The following MYO1F variants were observed in gnomAD, a reference collection of about 807,000 sequenced individuals.
MYO1F encodes myosin IF, also known as unconventional myosin-If.
Under a neutral mutation model 146.6 loss-of-function variants are expected in MYO1F, and 60 were observed. That is an observed-to-expected ratio of 0.41 (90% CI 0.33 to 0.51). The LOEUF (loss-of-function observed/expected upper bound fraction) is 0.51, where lower values mean the gene tolerates loss of function less well. Among genes scored for constraint, MYO1F ranks in the 20% least tolerant of loss-of-function variants. MYO1F has a pLI of 0.25. For synonymous variants in MYO1F, 602 were observed against 602.1 expected, an observed-to-expected ratio of 1.00 and a Z score of 0.00; for missense variants, 1,274 against 1,534.3, an observed-to-expected ratio of 0.83 and a Z score of 2.83.
chr19:8,571,014 A>C (rs1211755609), intron 1 of MYO1F, among the ~76,000 whole-genome samples: 2 of 152,218 alleles, frequency 1.3e-5, no homozygotes, highest in East Asian at 3.8e-4. Context: ...CACTGTCCCC[A>C]TCAATGGTGG....
intron 1 of MYO1F, among the ~76,000 whole-genome samples, chr19:8,556,031 T>C: frequency 6.6e-6 from 1 of 151,476 alleles, no homozygotes; most frequent in Non-Finnish European, 1.5e-5. Flanking sequence ...TTAATTTTTA[T>C]TTATTTATTT....
At chr19:8,527,606 G>T in intron 21 of MYO1F, 123 bp from the exon 22 acceptor site, 3 of 1,191,578 alleles carry the variant, frequency 2.5e-6, no homozygotes, top group Non-Finnish European at 3.6e-6. Context: ...CCCTCCAGGT[G>T]AAGGTGTATG....
At chr19:8,560,342 G>A (rs1037432317) in intron 1 of MYO1F, among the ~76,000 whole-genome samples, 1 of 151,688 alleles carries the variant, frequency 6.6e-6, no homozygotes, top group African/African-American at 2.4e-5. Context: ...AAAAGTAGCC[G>A]GGTGTGGGGG....
chr19:8,563,229 G>A lies in MYO1F; in HGVS notation c.4-7433C>T, dbSNP rs961184002. On this transcript the variant is annotated intron_variant, in intron 1 of 27. Coordinates refer to ENST00000644032, the MANE Select transcript of MYO1F (RefSeq NM_012335.4). ...GCTGGTCTTGAACTCCTGACCTCAG[G>A]TGATCCACCCGCCTCGGCCTCCCAA... Among the ~76,000 whole-genome samples, 6 of 151,554 alleles carry A rather than the reference G, an allele frequency of 4.0e-5. No individual in the cohort carries two copies. In the East Asian group the frequency reaches 9.7e-4, roughly 25 times the overall value.
At chr19:8,555,606 C>T (rs1483292301) in intron 2 of MYO1F, 53 bp downstream of exon 2, 1 of 1,612,696 alleles carries the variant, frequency 6.2e-7, no homozygotes. Context: ...CGTCCATGGC[C>T]CAGCCATTCA....
rs1443170003 is a variant in MYO1F at position 8,521,488 on chromosome 19, A to G, written c.*40T>C. The G allele has an allele frequency of 1.3e-6, 2 of 1,587,548 alleles. No individual in the cohort carries two copies. Among genetic ancestry groups the G allele is most frequent in the African/African-American group, 2.7e-5 (2 of 74,214 alleles). On this transcript the variant is annotated 3_prime_UTR_variant, in exon 28 of 28. Transcript: ENST00000644032. Reference sequence around the variant, plus strand: ...GGCTCCCCACCAGGCCGGCAGGCAGATAGGCGGGCGAAAGAGAAGGCAGTA... The same window carrying G: ...GGCTCCCCACCAGGCCGGCAGGCAGGTAGGCGGGCGAAAGAGAAGGCAGTA...
At chr19:8,536,143 TTCTC>T in intron 19 of MYO1F, 105 bp downstream of exon 19, 1 of 1,370,924 alleles carries the variant, frequency 7.3e-7, no homozygotes, top group Non-Finnish European at 1.0e-6. Context: ...CTATCAGTCT[TTCTC>T]TCAATCTCTG....
intron 1 of MYO1F, among the ~76,000 whole-genome samples, chr19:8,561,717 CT>C (rs968890790): frequency 8.4e-6 from 1 of 119,298 alleles, no homozygotes; most frequent in Non-Finnish European, 1.8e-5. Flanking sequence ...TTTTTTCTAT[CT>C]TTTTTTTTGT....
intron 15 of MYO1F, chr19:8,541,687 C>T (rs1972978340): frequency 1.7e-6 from 1 of 573,850 alleles, no homozygotes; most frequent in Admixed American, 2.7e-5. Flanking sequence ...CTTCGGCCTC[C>T]CAAAGTGCTG....
intron 1 of MYO1F, chr19:8,576,612 A>T: frequency 6.3e-6 from 1 of 157,826 alleles, no homozygotes; most frequent in South Asian, 1.7e-4. Context: ...GACAGACCTC[A>T]GACTTGACAG....
chr19:8,545,858 A>T, intron 12 of MYO1F, 122 bp from the exon 13 acceptor site: 1 of 773,686 alleles, frequency 1.3e-6, no homozygotes, highest in Admixed American at 1.8e-5. Context: ...AAAGCCCGTC[A>T]CTCCTATGTG....
chr19:8,564,089 A>C (rs1001240737), intron 1 of MYO1F, among the ~76,000 whole-genome samples: 9 of 151,994 alleles, frequency 5.9e-5, no homozygotes, highest in African/African-American at 2.2e-4. Flanking sequence ...TTTTATAAGA[A>C]GTGGGTGCTG....
At position 8,530,069 on chromosome 19, in the gene MYO1F, G is replaced by C. The variant is rs1195381445; in HGVS notation, c.2328+127C>G. 2.3e-6 allele frequency: 3 copies of C among 1,309,028 alleles called. No homozygotes were observed. The highest frequency in any genetic ancestry group is 3.3e-6 in the Non-Finnish European group (3 of 914,076). The allele number at this position is 1,309,028 out of a possible 1,614,324, so 81.1% of individuals were successfully genotyped here. ...GCAGGTGCATATGGGCCAGGTGAGG[G>C]TGTACCTGTGATGGAACAGATGGAT... On this transcript the variant is annotated intron_variant, in intron 21 of 27. Coordinates refer to ENST00000644032, the MANE Select transcript of MYO1F (RefSeq NM_012335.4). The surrounding 1 kb of genome is among the most constrained non-coding windows in gnomAD (Gnocchi z 5.8).
chr19:8,552,568 A>ATGTGC (rs1973658543), intron 6 of MYO1F, among the ~76,000 whole-genome samples: 2 of 152,108 alleles, frequency 1.3e-5, no homozygotes, highest in South Asian at 4.1e-4. Flanking sequence ...CACCCAGCCC[A>ATGTGC]AGGGTATGGA....
intron 1 of MYO1F, among the ~76,000 whole-genome samples, chr19:8,563,515 CT>C (rs111757104): frequency 0.5 from 73,831 of 147,174 alleles, 19,822 homozygotes; most frequent in East Asian, 0.68. Flanking sequence ...TTCTTTCTTT[CT>C]TTTTTTTTTG....
At chr19:8,539,184 G>C (rs1216730454) in intron 16 of MYO1F, among the ~76,000 whole-genome samples, 4 of 152,174 alleles carry the variant, frequency 2.6e-5, no homozygotes, top group Non-Finnish European at 5.9e-5. Context: ...GGAGGCTGAG[G>C]CAGGCGGATC....
intron 1 of MYO1F, among the ~76,000 whole-genome samples, chr19:8,560,197 G>A (rs111644945): frequency 0.11 from 16,637 of 150,672 alleles, 1,006 homozygotes; most frequent in Middle Eastern, 0.16. Flanking sequence ...CAAAGAACAG[G>A]TTCTTGGCTG....
At chr19:8,545,560 G>T in intron 13 of MYO1F, 90 bp downstream of exon 13, 1 of 1,056,758 alleles carries the variant, frequency 9.5e-7, no homozygotes, top group Non-Finnish European at 1.5e-6. Flanking sequence ...GCCTGAGGAT[G>T]CCATAACACC....
intron 1 of MYO1F, among the ~76,000 whole-genome samples, chr19:8,571,581 A>ATT (rs34070649): frequency 1.5e-4 from 21 of 143,524 alleles, no homozygotes; most frequent in East Asian, 6.3e-4. Flanking sequence ...CGCCCGGCTA[A>ATT]TTTTTTTTTT....
Sources: gnomAD v4.1 joint callset for allele counts (sites outside exome capture counted in the v4.1 genomes callset) on GRCh38, gnomAD v4.1.1 for gene constraint, Gnocchi (gnomAD v3.1) non-coding constraint, MANE v1.5 for transcripts, NCBI Gene and HGNC (gene_info 2026-07-23, HGNC 2026-07-21) for gene names.